Variants in CHRNB3 observed in about 807,000 individuals in gnomAD.
The protein encoded by CHRNB3 is cholinergic receptor nicotinic beta 3 subunit.
CHRNB3 carries 37 observed loss-of-function variants against 40.6 expected under a neutral mutation model. The observed-to-expected ratio is 0.91, with a 90% CI of 0.70 to 1.20. The LOEUF is 1.20. CHRNB3 is among the 50% of genes most tolerant of loss of function. The probability of loss-of-function intolerance (pLI) is 0.00; values close to 1 mark genes in which losing one functional copy is unlikely to be tolerated. For synonymous variants in CHRNB3, 207 were observed against 207.1 expected (o/e 1.00, Z 0.00); for missense variants, 505 against 551.2 (o/e 0.92, Z 0.84).
chr8:42,709,897 A>G (rs192861536), intron 2 of CHRNB3, among the ~76,000 whole-genome samples: 1 of 152,202 alleles, frequency 6.6e-6, no homozygotes, highest in African/African-American at 2.4e-5. Flanking sequence ...CTCCCAAAGT[A>G]CTGGGATTAT....
chr8:42,720,145 T>TTTTTTTA (rs1816194193), intron 3 of CHRNB3, among the ~76,000 whole-genome samples: 1 of 99,472 alleles, frequency 1.0e-5, no homozygotes, highest in African/African-American at 3.3e-5. Context: ...TTTTTTTTTT[T>TTTTTTTA]GAGATGGAGT....
chr8:42,732,518 G>A lies in CHRNB3; in HGVS notation c.1211G>A (p.Arg404Lys). ...GCTGATTCCATTAGATACATTTCGA[G>A]ACATGTGAAGAAAGAACATTTTATC... ...KAADSIRYIS[R>K]HVKKEHFISQ... Residue 404 changes from arginine to lysine, a missense_variant, in exon 5 of 6, where the codon AGA becomes AAA. Transcript: ENST00000289957. The A allele has an allele frequency of 6.2e-7, 1 of 1,601,664 alleles. No homozygotes were observed. Among genetic ancestry groups the A allele is most frequent in the Non-Finnish European group, 8.5e-7 (1 of 1,176,138 alleles).
rs531950336 is a variant in CHRNB3 at position 42,723,824 on chromosome 8, G to A, written c.250-6770G>A. On this transcript the variant is annotated intron_variant, in intron 3 of 5. Coordinates refer to ENST00000289957, the MANE Select transcript of CHRNB3 (RefSeq NM_000749.5). ...TTTTAGTCCGGTTGTGGTGGCTCAC[G>A]CCTGTAATCCCAACACTTTGGGAGG... Among the ~76,000 whole-genome samples, 3 of 152,274 alleles carry A rather than the reference G, an allele frequency of 2.0e-5. No individual in the cohort carries two copies. In the East Asian group the frequency reaches 5.8e-4, roughly 29 times the overall value.
At chr8:42,726,538 C>A (rs1816313718) in intron 3 of CHRNB3, among the ~76,000 whole-genome samples, 1 of 147,786 alleles carries the variant, frequency 6.8e-6, no homozygotes. Flanking sequence ...CAAGCTCTGT[C>A]ATCCAGGCTG....
chr8:42,734,411 G>A (rs1462991916), intron 5 of CHRNB3, among the ~76,000 whole-genome samples: 1 of 150,414 alleles, frequency 6.6e-6, no homozygotes. Flanking sequence ...TAAACAAACT[G>A]ATGAAAGAAT....
At chr8:42,725,089 CTTT>C (rs572194650) in intron 3 of CHRNB3, among the ~76,000 whole-genome samples, 3,330 of 136,418 alleles carry the variant, frequency 0.024, 115 homozygotes, top group African/African-American at 0.084. Flanking sequence ...TTCTTTCTTT[CTTT>C]TTTTTTTTTT....
chr8:42,707,461 C>T (rs1362361816), intron 1 of CHRNB3, among the ~76,000 whole-genome samples: 2 of 152,166 alleles, frequency 1.3e-5, no homozygotes, highest in African/African-American at 2.4e-5. Context: ...CAAGGAGGGG[C>T]AGGTTAAAAC....
At chr8:42,733,260 G>C (rs1816460315) in intron 5 of CHRNB3, among the ~76,000 whole-genome samples, 2 of 151,798 alleles carry the variant, frequency 1.3e-5, no homozygotes, top group African/African-American at 4.8e-5. Context: ...CCAGAATTGA[G>C]ACCAGCCTGG....
intron 1 of CHRNB3, among the ~76,000 whole-genome samples, chr8:42,700,093 A>C (rs565957294): frequency 1.3e-5 from 2 of 148,936 alleles, no homozygotes; most frequent in South Asian, 4.3e-4. Context: ...TGCTCACTGC[A>C]AGCTCCGCCT....
At chr8:42,719,605 C>T (rs62518195) in intron 3 of CHRNB3, among the ~76,000 whole-genome samples, 8,704 of 152,186 alleles carry the variant, frequency 0.057, 326 homozygotes, top group Middle Eastern at 0.11. Context: ...TATGATCACA[C>T]CACGGCACTC....
chr8:42,703,910 A>G (rs2128904552), intron 1 of CHRNB3, among the ~76,000 whole-genome samples: 1 of 152,320 alleles, frequency 6.6e-6, no homozygotes, highest in African/African-American at 2.4e-5. Flanking sequence ...CTGCTCCAAT[A>G]ATGCCAATGA....
chr8:42,722,652 C>T (rs1421400465), intron 3 of CHRNB3, among the ~76,000 whole-genome samples: 5 of 152,192 alleles, frequency 3.3e-5, no homozygotes, highest in Non-Finnish European at 7.3e-5. Context: ...GCCTTGAACA[C>T]CCAGGCTCAA....
intron 3 of CHRNB3, among the ~76,000 whole-genome samples, chr8:42,724,714 C>T (rs1406097559): frequency 2.6e-5 from 4 of 152,154 alleles, no homozygotes; most frequent in African/African-American, 9.7e-5. Context: ...CGCGGTGGCT[C>T]ACGCCTGTAA....
intron 1 of CHRNB3, among the ~76,000 whole-genome samples, chr8:42,702,725 T>C (rs1274600558): frequency 1.3e-5 from 2 of 152,064 alleles, no homozygotes; most frequent in Non-Finnish European, 2.9e-5. Flanking sequence ...ATTGCGCCAC[T>C]GCACTCCAGC....
chr8:42,710,234 C>T (rs1815991541), intron 2 of CHRNB3, among the ~76,000 whole-genome samples, 156 bp from the exon 3 acceptor site: 1 of 152,148 alleles, frequency 6.6e-6, no homozygotes, highest in Non-Finnish European at 1.5e-5. Flanking sequence ...GTGAGAATGG[C>T]TTGAGCCCCG....
At chr8:42,722,869 C>G (rs1379149921) in intron 3 of CHRNB3, among the ~76,000 whole-genome samples, 1 of 152,028 alleles carries the variant, frequency 6.6e-6, no homozygotes, top group Admixed American at 6.6e-5. Context: ...TTGCCCAGCT[C>G]CCTCTTGGGG....
intron 1 of CHRNB3, among the ~76,000 whole-genome samples, chr8:42,702,634 G>A (rs1408128562): frequency 6.6e-5 from 10 of 151,920 alleles, no homozygotes; most frequent in African/African-American, 2.2e-4. Context: ...ATGGTGGCAC[G>A]TGCCTGTAAT....
Position 42,731,652 on chromosome 8 carries a change from C to CT in CHRNB3, c.360-14dup. 1 of 1,578,120 alleles carries CT rather than the reference C, an allele frequency of 6.3e-7. No individual in the cohort carries two copies. The highest frequency in any genetic ancestry group is 8.6e-7 in the Non-Finnish European group (1 of 1,163,170). On this transcript the variant is annotated splice_polypyrimidine_tract_variant and intron_variant, in intron 4 of 5. Coordinates refer to ENST00000289957, the MANE Select transcript of CHRNB3 (RefSeq NM_000749.5). ...TGCTCCACCGACTGCTAAGGTGAAA[C>CT]TGCTTTGATTGCAGTGCTGACGGCC... is the stretch of plus-strand genomic sequence containing the variant.
At chr8:42,698,015 C>T (rs1363472161) in intron 1 of CHRNB3, among the ~76,000 whole-genome samples, 2 of 152,024 alleles carry the variant, frequency 1.3e-5, no homozygotes, top group African/African-American at 4.8e-5. Flanking sequence ...TAATTTTGTC[C>T]AATATGCCCT....
Sources: allele counts gnomAD v4.1 joint callset (sites outside exome capture counted in the v4.1 genomes callset), GRCh38; gene constraint gnomAD v4.1.1; transcripts MANE v1.5; gene names NCBI Gene and HGNC (gene_info 2026-07-23, HGNC 2026-07-21).